GPC5: variants seen among roughly 807,000 people sequenced by gnomAD.
GPC5 encodes glypican-5.
In GPC5, 47 loss-of-function variants were observed where a neutral mutation model predicts 53.9. The ratio of observed to expected loss-of-function variants is 0.87; its 90% CI spans 0.69 to 1.11. The LOEUF (loss-of-function observed/expected upper bound fraction) is 1.11, where lower values mean the gene tolerates loss of function less well. GPC5 is among the 50% of genes most tolerant of loss of function. The pLI is 0.00. For missense variants in GPC5, 748 were observed against 713.1 expected (o/e 1.05, Z -0.56); for synonymous variants, 286 against 263.3 (o/e 1.09, Z -0.84).
At chr13:91,869,976 G>C (rs1182800771) in intron 5 of GPC5, among the ~76,000 whole-genome samples, 1 of 152,092 alleles carries the variant, frequency 6.6e-6, no homozygotes, top group Non-Finnish European at 1.5e-5. Flanking sequence ...TAACACTGGG[G>C]ATTACAGTTC....
intron 7 of GPC5, among the ~76,000 whole-genome samples, chr13:92,267,882 T>C (rs1260128180): frequency 6.6e-6 from 1 of 152,052 alleles, no homozygotes; most frequent in Non-Finnish European, 1.5e-5. Flanking sequence ...GAATAAAAAA[T>C]TTTTAGCAGG....
intron 2 of GPC5, among the ~76,000 whole-genome samples, chr13:91,488,146 A>G (rs1883723090): frequency 6.6e-6 from 1 of 152,156 alleles, no homozygotes; most frequent in Non-Finnish European, 1.5e-5. Context: ...CCAAGTTTCT[A>G]TTATGGCATA....
At chr13:92,459,601 A>T (rs553554567) in intron 7 of GPC5, among the ~76,000 whole-genome samples, 1 of 152,318 alleles carries the variant, frequency 6.6e-6, no homozygotes, top group South Asian at 2.1e-4. Flanking sequence ...GGGAATAGAC[A>T]GGCTGGATGT....
intron 2 of GPC5, among the ~76,000 whole-genome samples, chr13:91,530,165 A>G (rs1886273871): frequency 6.6e-6 from 1 of 152,146 alleles, no homozygotes; most frequent in Admixed American, 6.5e-5. Flanking sequence ...CATGGAGAGG[A>G]TCTTTATCTT....
intron 1 of GPC5, among the ~76,000 whole-genome samples, chr13:91,417,032 GA>G (rs776348911): frequency 1.3e-5 from 2 of 152,136 alleles, no homozygotes; most frequent in Non-Finnish European, 2.9e-5. Flanking sequence ...GGCACTTCTT[GA>G]AAAAGTGGAT....
At chr13:91,414,198 G>A (rs957269657) in intron 1 of GPC5, among the ~76,000 whole-genome samples, 2 of 152,136 alleles carry the variant, frequency 1.3e-5, no homozygotes, top group South Asian at 2.1e-4. Flanking sequence ...TGAATCATGG[G>A]GGCAGTTACC....
rs67507888 is a variant in GPC5, at chr13:91,650,750, G to GTTTTTTTTTTTTTTTTTTTTTTTTTTTT, written c.326-42415_326-42414insTTTTTTTTTTTTTTTTTTTTTTTTTTTT. On this transcript the variant is annotated intron_variant, in intron 2 of 7. Coordinates refer to ENST00000377067, the MANE Select transcript of GPC5 (RefSeq NM_004466.6). ...CATCTGTGAAACAAAATTCCCATAA[G>GTTTTTTTTTTTTTTTTTTTTTTTTTTTT]TTTTTTTTTTTTTTTTTTTTTTAGC... Among the ~76,000 whole-genome samples, 14 of 99,600 alleles carry GTTTTTTTTTTTTTTTTTTTTTTTTTTTT rather than the reference G, an allele frequency of 1.4e-4. 2 individuals carry two copies. Among genetic ancestry groups the GTTTTTTTTTTTTTTTTTTTTTTTTTTTT allele is most frequent in the African/African-American group, 4.5e-4 (11 of 24,668 alleles). The allele number at this position is 99,600 out of a possible 152,430, so 65.3% of individuals were successfully genotyped here.
intron 7 of GPC5, among the ~76,000 whole-genome samples, chr13:92,563,872 A>T (rs1253042250): frequency 6.6e-6 from 1 of 152,038 alleles, no homozygotes; most frequent in Non-Finnish European, 1.5e-5. Flanking sequence ...TCATTTATGC[A>T]ACATATCACT....
chr13:91,593,746 T>A (rs79305765), intron 2 of GPC5, among the ~76,000 whole-genome samples: 1,856 of 152,282 alleles, frequency 0.012, 25 homozygotes, highest in African/African-American at 0.043. Context: ...TAACATGATT[T>A]TTTTCAATCA....
At chr13:92,608,461 C>G (rs1471188440) in intron 7 of GPC5, among the ~76,000 whole-genome samples, 1 of 152,166 alleles carries the variant, frequency 6.6e-6, no homozygotes, top group Non-Finnish European at 1.5e-5. Context: ...TCCTAAGACA[C>G]AGTTCTAGCC....
At chr13:91,919,050 T>G (rs988893435) in intron 6 of GPC5, among the ~76,000 whole-genome samples, 1 of 152,160 alleles carries the variant, frequency 6.6e-6, no homozygotes, top group Non-Finnish European at 1.5e-5. Flanking sequence ...TCCTAATTAC[T>G]TCTCCCTTCC....
At chr13:92,544,160 G>A (rs1283387301) in intron 7 of GPC5, among the ~76,000 whole-genome samples, 1 of 152,026 alleles carries the variant, frequency 6.6e-6, no homozygotes, top group Non-Finnish European at 1.5e-5. Flanking sequence ...AGTTTTCCAT[G>A]ATGTTGGGTT....
At chr13:92,433,618 T>C (rs1484076365) in intron 7 of GPC5, among the ~76,000 whole-genome samples, 2 of 152,140 alleles carry the variant, frequency 1.3e-5, no homozygotes, top group African/African-American at 4.8e-5. Flanking sequence ...GATGAATTAC[T>C]TATATGAATG....
At chr13:92,711,398 TATTTATCATTTAAATATACCC>T (rs1354428654) in intron 7 of GPC5, among the ~76,000 whole-genome samples, 8 of 152,160 alleles carry the variant, frequency 5.3e-5, no homozygotes, top group African/African-American at 1.2e-4. Context: ...TGGTAGAAAA[TATTTATCATTTAAATATACCC>T]ATTTATCATT....
At chr13:92,639,858 C>T (rs1885530307) in intron 7 of GPC5, among the ~76,000 whole-genome samples, 1 of 152,070 alleles carries the variant, frequency 6.6e-6, no homozygotes, top group South Asian at 2.1e-4. Flanking sequence ...CAGAAAACAT[C>T]TTCATAGACA....
At chr13:91,464,744 A>C (rs1166510354) in intron 2 of GPC5, among the ~76,000 whole-genome samples, 2 of 152,140 alleles carry the variant, frequency 1.3e-5, no homozygotes, top group Non-Finnish European at 2.9e-5. Context: ...GCAATGGAAC[A>C]GTTCTGTGTC....
chr13:91,592,145 T>C (rs772120783), intron 2 of GPC5, among the ~76,000 whole-genome samples: 4 of 152,214 alleles, frequency 2.6e-5, no homozygotes, highest in Non-Finnish European at 5.9e-5. Context: ...CAAGACTCTG[T>C]ATAGGGTCTT....
intron 7 of GPC5, among the ~76,000 whole-genome samples, chr13:92,528,921 T>C (rs967853063): frequency 6.6e-6 from 1 of 152,054 alleles, no homozygotes; most frequent in African/African-American, 2.4e-5. Flanking sequence ...TTATGTCTTT[T>C]GCAGGATAAG....
chr13:92,125,095 G>C lies in GPC5; in HGVS notation c.1402-19735G>C, dbSNP rs7336783. ...TCGCTTGCTTGCTTTGATAAAGGGA[G>C]TTGCCATGTTGTATGATGCTTTCTG... On this transcript the variant is annotated intron_variant, in intron 6 of 7. Transcript: ENST00000377067. Among the ~76,000 whole-genome samples the C allele has an allele frequency of 1.9e-3, 296 of 152,316 alleles. 2 individuals are homozygous for C. Among genetic ancestry groups the C allele is most frequent in the African/African-American group, 6.9e-3 (285 of 41,574 alleles).
Sources: gnomAD v4.1 joint callset for allele counts (sites outside exome capture counted in the v4.1 genomes callset) on GRCh38, gnomAD v4.1.1 for gene constraint, MANE v1.5 for transcripts, NCBI Gene and HGNC (gene_info 2026-07-23, HGNC 2026-07-21) for gene names.